TRIM44: variants seen among roughly 807,000 people sequenced by gnomAD.
The protein encoded by TRIM44 is tripartite motif-containing protein 44.
TRIM44 carries 13 observed loss-of-function variants against 37.4 expected under a neutral mutation model. That is an observed-to-expected ratio of 0.35 (90% CI 0.23 to 0.55). The LOEUF (loss-of-function observed/expected upper bound fraction) is 0.55, where lower values mean the gene tolerates loss of function less well. TRIM44 is among the 20% of genes least tolerant of loss of function. The pLI is 0.89. For missense variants in TRIM44, 426 were observed against 437.2 expected, an observed-to-expected ratio of 0.97 and a Z score of 0.23; for synonymous variants, 175 against 157.2, an observed-to-expected ratio of 1.11 and a Z score of -0.85.
chr11:35,749,938 T>A, intron 4 of TRIM44, among the ~76,000 whole-genome samples: 1 of 152,180 alleles, frequency 6.6e-6, no homozygotes, highest in Non-Finnish European at 1.5e-5. Context: ...AGTGTAACCT[T>A]TCTTTTATTA....
chr11:35,754,534 TA>T, intron 4 of TRIM44, among the ~76,000 whole-genome samples: 1 of 152,310 alleles, frequency 6.6e-6, no homozygotes, highest in East Asian at 1.9e-4. Context: ...CTTTAAGTTT[TA>T]GGGTACATGT....
intron 4 of TRIM44, among the ~76,000 whole-genome samples, chr11:35,798,437 A>G (rs1273443446): frequency 3.3e-5 from 5 of 152,190 alleles, no homozygotes; most frequent in African/African-American, 7.2e-5. Flanking sequence ...CAACAAATAT[A>G]CCATGCTAAT....
intron 2 of TRIM44, among the ~76,000 whole-genome samples, chr11:35,717,724 A>C (rs1852055048): frequency 6.6e-6 from 1 of 152,176 alleles, no homozygotes; most frequent in South Asian, 2.1e-4. Flanking sequence ...TAAGCAATTC[A>C]GAACAGAGGA....
intron 2 of TRIM44, among the ~76,000 whole-genome samples, chr11:35,703,618 C>G (rs1002790310): frequency 2.0e-5 from 3 of 152,222 alleles, no homozygotes; most frequent in Admixed American, 1.3e-4. Flanking sequence ...ATCCGCTGTT[C>G]TGCAGCCACC....
chr11:35,783,983 C>G (rs939035936), intron 4 of TRIM44, among the ~76,000 whole-genome samples: 2 of 152,214 alleles, frequency 1.3e-5, no homozygotes, highest in Non-Finnish European at 2.9e-5. Context: ...CCCCATCTAT[C>G]AGCCTCACAC....
chr11:35,674,150 A>G (rs1196365336), intron 1 of TRIM44, among the ~76,000 whole-genome samples: 2 of 152,098 alleles, frequency 1.3e-5, no homozygotes, highest in South Asian at 4.2e-4. Context: ...CGGGGAGTAG[A>G]GATGAGAATG....
chr11:35,781,708 G>T (rs544923739), intron 4 of TRIM44, among the ~76,000 whole-genome samples: 1 of 152,324 alleles, frequency 6.6e-6, no homozygotes, highest in East Asian at 1.9e-4. Context: ...AGTTATTTTT[G>T]TGTAGATAAG....
At chr11:35,798,326 A>G (rs75232884) in intron 4 of TRIM44, among the ~76,000 whole-genome samples, 2,866 of 152,220 alleles carry the variant, frequency 0.019, 92 homozygotes, top group African/African-American at 0.066. Context: ...TAGGAACAGA[A>G]TGGGGGACAA....
intron 4 of TRIM44, among the ~76,000 whole-genome samples, chr11:35,753,130 T>C (rs969705627): frequency 6.6e-6 from 1 of 152,234 alleles, no homozygotes; most frequent in Non-Finnish European, 1.5e-5. Flanking sequence ...TTTGTGTAGG[T>C]CATTTGCCTT....
chr11:35,793,461 G>T (rs1025289945), intron 4 of TRIM44, among the ~76,000 whole-genome samples: 1 of 152,084 alleles, frequency 6.6e-6, no homozygotes, highest in Non-Finnish European at 1.5e-5. Context: ...AGAGGCGGAG[G>T]TTGCAGTGAG....
chr11:35,708,239 T>C (rs1322565915), intron 2 of TRIM44, among the ~76,000 whole-genome samples: 2 of 152,262 alleles, frequency 1.3e-5, no homozygotes, highest in African/African-American at 4.8e-5. Flanking sequence ...ATGGCGATCA[T>C]TTAAAAAGTC....
chr11:35,694,134 T>C (rs912786024), intron 2 of TRIM44, among the ~76,000 whole-genome samples: 1 of 152,196 alleles, frequency 6.6e-6, no homozygotes. Context: ...GATACTTTTC[T>C]TTTAGCCAAT....
intron 4 of TRIM44, among the ~76,000 whole-genome samples, chr11:35,799,873 C>A (rs1054389512): frequency 2.0e-5 from 3 of 152,098 alleles, no homozygotes; most frequent in African/African-American, 7.2e-5. Context: ...AGAGAAGAGC[C>A]CTTCTCCTTG....
At chr11:35,689,162 G>A (rs985315340) in intron 2 of TRIM44, among the ~76,000 whole-genome samples, 1 of 152,140 alleles carries the variant, frequency 6.6e-6, no homozygotes, top group Non-Finnish European at 1.5e-5. Flanking sequence ...GATCCTGGTC[G>A]GGATTTAGGA....
At chr11:35,710,776 G>C (rs1851960125) in intron 2 of TRIM44, among the ~76,000 whole-genome samples, 1 of 152,118 alleles carries the variant, frequency 6.6e-6, no homozygotes, top group African/African-American at 2.4e-5. Context: ...AACTTCCCTT[G>C]TTTTCAGTAC....
chr11:35,754,398 G>T (rs891473196), intron 4 of TRIM44, among the ~76,000 whole-genome samples: 2 of 152,160 alleles, frequency 1.3e-5, no homozygotes, highest in African/African-American at 4.8e-5. Context: ...GAGACTCACT[G>T]CCTGTCTCCC....
chr11:35,693,276 ATTTAGT>A (rs2135495219), intron 2 of TRIM44, among the ~76,000 whole-genome samples: 1 of 152,250 alleles, frequency 6.6e-6, no homozygotes, highest in African/African-American at 2.4e-5. Flanking sequence ...CTCAGGCCAT[ATTTAGT>A]TTGCTTTAAC....
At position 35,701,573 on chromosome 11, in the gene TRIM44, T is replaced by C. The variant is rs549233830; in HGVS notation, c.747+16237T>C. Among the ~76,000 whole-genome samples the C allele has an allele frequency of 8.5e-4, 130 of 152,198 alleles. 4 individuals are homozygous for C. The South Asian group carries it at 0.026, about 31-fold the overall frequency. On this transcript the variant is annotated intron_variant, in intron 2 of 4. Coordinates refer to ENST00000299413, the MANE Select transcript of TRIM44 (RefSeq NM_017583.6). ...ATTGAACCCTGAACCCAGGCTGCCA[T>C]TGTGGAAAGAGAAACCACAGTCACG...
intron 4 of TRIM44, among the ~76,000 whole-genome samples, chr11:35,764,367 A>C (rs910549708): frequency 6.6e-6 from 1 of 152,118 alleles, no homozygotes; most frequent in African/African-American, 2.4e-5. Context: ...CTTTCTTTCA[A>C]CTTCTCTTTC....
Sources: allele counts gnomAD v4.1 joint callset (sites outside exome capture counted in the v4.1 genomes callset), GRCh38; gene constraint gnomAD v4.1.1; transcripts MANE v1.5; gene names NCBI Gene and HGNC (gene_info 2026-07-23, HGNC 2026-07-21).